Variants in EFR3A observed in about 807,000 individuals in gnomAD.
EFR3A encodes the protein protein EFR3 homolog A.
A neutral mutation model predicts 104.4 loss-of-function variants in EFR3A; 76 were observed. That is an observed-to-expected ratio of 0.73 (90% CI 0.60 to 0.88). The LOEUF is 0.88. Ranked by LOEUF, EFR3A falls within the 40% of genes least tolerant of loss-of-function variation. The probability of loss-of-function intolerance (pLI) is 0.00; values close to 1 mark genes in which losing one functional copy is unlikely to be tolerated. For synonymous variants in EFR3A, 330 were observed against 330.0 expected, an observed-to-expected ratio of 1.00 and a Z score of 0.00; for missense variants, 985 against 1,012.5, an observed-to-expected ratio of 0.97 and a Z score of 0.37.
At chr8:131,911,994 G>T (rs1816534982) in intron 1 of EFR3A, among the ~76,000 whole-genome samples, 1 of 152,186 alleles carries the variant, frequency 6.6e-6, no homozygotes, top group Admixed American at 6.5e-5. Context: ...TGGGTTTGGG[G>T]AAAAAGGGTT....
At chr8:132,008,154 C>G (rs1047896869) in intron 22 of EFR3A, among the ~76,000 whole-genome samples, 2 of 151,946 alleles carry the variant, frequency 1.3e-5, no homozygotes. Flanking sequence ...AGGCAGACCA[C>G]AAACTCAGAA....
chr8:131,980,181 G>A (rs571793276), intron 14 of EFR3A, among the ~76,000 whole-genome samples: 1 of 152,202 alleles, frequency 6.6e-6, no homozygotes, highest in African/African-American at 2.4e-5. Flanking sequence ...AGGAAGCTAG[G>A]TGTAGAGACC....
At chr8:131,987,113 C>G (rs1422568909) in intron 17 of EFR3A, among the ~76,000 whole-genome samples, 1 of 152,088 alleles carries the variant, frequency 6.6e-6, no homozygotes, top group East Asian at 1.9e-4. Flanking sequence ...AAGATAATAT[C>G]AAGCAGTTTG....
intron 22 of EFR3A, among the ~76,000 whole-genome samples, chr8:132,007,578 A>C (rs1353629375): frequency 6.6e-6 from 1 of 152,004 alleles, no homozygotes; most frequent in Non-Finnish European, 1.5e-5. Flanking sequence ...ATCCCAATCA[A>C]AACCCCAACA....
chr8:131,982,666 T>C (rs1439539903), intron 14 of EFR3A, among the ~76,000 whole-genome samples: 1 of 152,170 alleles, frequency 6.6e-6, no homozygotes, highest in Non-Finnish European at 1.5e-5. Context: ...AAAAACAAAC[T>C]TGAATTACTT....
intron 22 of EFR3A, among the ~76,000 whole-genome samples, chr8:132,006,613 T>C (rs1000961313): frequency 6.6e-5 from 10 of 152,004 alleles, no homozygotes; most frequent in Non-Finnish European, 1.0e-4. Flanking sequence ...TAAGAAATAA[T>C]ACCAGTTTCA....
chr8:131,904,126 C>T lies in EFR3A; in HGVS notation c.-187C>T. Reference sequence around the variant, plus strand: ...CGCCGCCCGGCGAGGAGTGGGCTGGCGGCGGTAGCTGTCGCCCGCTTGGTT... The same window carrying T: ...CGCCGCCCGGCGAGGAGTGGGCTGGTGGCGGTAGCTGTCGCCCGCTTGGTT... On this transcript the variant is annotated 5_prime_UTR_variant, in exon 1 of 23. Coordinates refer to ENST00000254624, the MANE Select transcript of EFR3A (RefSeq NM_015137.6). 1 of 587,630 alleles carries T rather than the reference C, an allele frequency of 1.7e-6. No homozygotes were observed. The highest frequency in any genetic ancestry group is 2.5e-6 in the Non-Finnish European group (1 of 404,976). 36.4% of individuals were successfully genotyped at this position (587,630 alleles called of 1,614,324 possible). A position where few individuals can be genotyped will look rare whatever the true frequency, so the allele number is the denominator to read the frequency against.
chr8:131,974,954 G>C (rs1234984307), intron 10 of EFR3A, among the ~76,000 whole-genome samples: 2 of 152,140 alleles, frequency 1.3e-5, no homozygotes, highest in Admixed American at 1.3e-4. Flanking sequence ...TGACTACATT[G>C]AATTTTAAGA....
At chr8:131,926,694 A>T (rs1817316616) in intron 1 of EFR3A, among the ~76,000 whole-genome samples, 1 of 152,078 alleles carries the variant, frequency 6.6e-6, no homozygotes, top group South Asian at 2.1e-4. Flanking sequence ...ATTGTAGCTC[A>T]CTGCAACCTC....
At chr8:131,930,388 C>G (rs1413707401) in intron 1 of EFR3A, among the ~76,000 whole-genome samples, 3 of 151,726 alleles carry the variant, frequency 2.0e-5, no homozygotes, top group African/African-American at 7.3e-5. Context: ...AACCTGTTCT[C>G]TAGCCATTGC....
chr8:131,936,885 G>A (rs981004688), intron 1 of EFR3A, among the ~76,000 whole-genome samples: 3 of 151,958 alleles, frequency 2.0e-5, no homozygotes, highest in African/African-American at 4.8e-5. Context: ...AGTCCTTTTC[G>A]GTTTTTTTAT....
intron 7 of EFR3A, among the ~76,000 whole-genome samples, chr8:131,958,087 A>T (rs1457533376): frequency 1.3e-5 from 2 of 152,196 alleles, no homozygotes; most frequent in Non-Finnish European, 2.9e-5. Flanking sequence ...GGTTACTGTA[A>T]TAAAATTCTT....
chr8:131,943,263 T>C (rs1433544305), intron 2 of EFR3A, among the ~76,000 whole-genome samples: 2 of 152,130 alleles, frequency 1.3e-5, no homozygotes, highest in Admixed American at 1.3e-4. Flanking sequence ...AACCTGTATC[T>C]TATTTTTAGC....
chr8:131,978,943 C>A lies in EFR3A; in HGVS notation c.1423C>A (p.Leu475Met), dbSNP rs775929443. ...ACCATCTCTCATGGAGGACTACGAACTGAGACAGTTGGTCTTGGAAGTAAT... is the reference window on the plus strand; with the variant it reads ...ACCATCTCTCATGGAGGACTACGAAATGAGACAGTTGGTCTTGGAAGTAAT... ...LSPSLMEDYE[L>M]RQLVLEVMHN... Residue 475 changes from leucine to methionine, a missense_variant, in exon 13 of 23, where the codon CTG (leucine) becomes ATG (methionine). Transcript: ENST00000254624. 1 of 1,613,240 alleles carries A rather than the reference C, an allele frequency of 6.2e-7. No individual in the cohort carries two copies. Among genetic ancestry groups the A allele is most frequent in the South Asian group, 1.1e-5 (1 of 91,014 alleles).
intron 13 of EFR3A, 143 bp from the exon 14 acceptor site, chr8:131,979,203 T>C (rs1331421354): frequency 1.3e-5 from 12 of 921,662 alleles, no homozygotes; most frequent in Non-Finnish European, 1.9e-5. Flanking sequence ...GGAGGGCACG[T>C]ATGTACTCTT....
chr8:131,965,148 A>G (rs1411814477), intron 8 of EFR3A, among the ~76,000 whole-genome samples: 1 of 152,216 alleles, frequency 6.6e-6, no homozygotes, highest in Non-Finnish European at 1.5e-5. Flanking sequence ...TTCAGGACAT[A>G]GGCATGGGCA....
At chr8:131,937,098 C>T (rs1288127453) in intron 1 of EFR3A, among the ~76,000 whole-genome samples, 2 of 152,092 alleles carry the variant, frequency 1.3e-5, no homozygotes, top group African/African-American at 4.8e-5. Context: ...TATTAGTATA[C>T]ACAATGACAC....
At chr8:131,920,012 G>A (rs1005691746) in intron 1 of EFR3A, among the ~76,000 whole-genome samples, 1 of 152,168 alleles carries the variant, frequency 6.6e-6, no homozygotes, top group Non-Finnish European at 1.5e-5. Context: ...CAGTACAGCA[G>A]AGGATTCTCA....
At chr8:131,923,200 C>G (rs528030790) in intron 1 of EFR3A, among the ~76,000 whole-genome samples, 3 of 152,000 alleles carry the variant, frequency 2.0e-5, no homozygotes, top group Admixed American at 6.6e-5. Flanking sequence ...TTGGGGAGAT[C>G]GTTATTTCGG....
Sources: allele counts gnomAD v4.1 joint callset (sites outside exome capture counted in the v4.1 genomes callset), GRCh38; gene constraint gnomAD v4.1.1; transcripts MANE v1.5; gene names NCBI Gene and HGNC (gene_info 2026-07-23, HGNC 2026-07-21).